Variants in CTDSPL observed in about 807,000 individuals in gnomAD.
CTDSPL encodes the protein CTD small phosphatase like, also known as CTD small phosphatase-like protein.
Under a neutral mutation model 30.5 loss-of-function variants are expected in CTDSPL, and 8 were observed. The observed-to-expected ratio is 0.26, with a 90% confidence interval of 0.15 to 0.47. CTDSPL has a LOEUF of 0.47. CTDSPL is among the 20% of genes least tolerant of loss of function. The pLI, the probability that CTDSPL is intolerant of heterozygous loss-of-function variation, is 0.99. For missense variants in CTDSPL, 248 were observed against 366.1 expected, an observed-to-expected ratio of 0.68 and a Z score of 2.63; for synonymous variants, 110 against 137.9, an observed-to-expected ratio of 0.80 and a Z score of 1.42.
intron 4 of CTDSPL, among the ~76,000 whole-genome samples, chr3:37,966,754 A>G (rs1699303602): frequency 6.6e-6 from 1 of 152,088 alleles, no homozygotes; most frequent in Non-Finnish European, 1.5e-5. Context: ...TATATCAACA[A>G]AGAGGGTTTG....
intron 2 of CTDSPL, 29 bp downstream of exon 2, chr3:37,947,240 C>A: frequency 6.3e-7 from 1 of 1,594,158 alleles, no homozygotes; most frequent in Non-Finnish European, 8.6e-7. Context: ...CTGTGCCCTC[C>A]ATAAAACTGC....
chr3:37,934,610 C>T (rs1263292071), intron 1 of CTDSPL, among the ~76,000 whole-genome samples: 2 of 152,124 alleles, frequency 1.3e-5, no homozygotes, highest in African/African-American at 4.8e-5. Flanking sequence ...CAAGAGTTAC[C>T]ATCTTTGCTA....
intron 3 of CTDSPL, among the ~76,000 whole-genome samples, chr3:37,962,811 T>C (rs762209893): frequency 2.8e-4 from 43 of 152,222 alleles, no homozygotes; most frequent in Non-Finnish European, 5.6e-4. Flanking sequence ...AGGTCTATAA[T>C]CTTTACAATG....
At chr3:37,914,485 A>C (rs1270897731) in intron 1 of CTDSPL, among the ~76,000 whole-genome samples, 3 of 152,216 alleles carry the variant, frequency 2.0e-5, no homozygotes, top group Non-Finnish European at 4.4e-5. Context: ...TAAATACCAT[A>C]TCAGATTTAG....
At chr3:37,933,500 C>T (rs903862546) in intron 1 of CTDSPL, among the ~76,000 whole-genome samples, 1 of 152,150 alleles carries the variant, frequency 6.6e-6, no homozygotes, top group African/African-American at 2.4e-5. Context: ...CTACTGTATG[C>T]ACCTTGCTTT....
At chr3:37,877,620 A>T (rs1039092744) in intron 1 of CTDSPL, among the ~76,000 whole-genome samples, 6 of 152,170 alleles carry the variant, frequency 3.9e-5, no homozygotes, top group African/African-American at 1.4e-4. Flanking sequence ...GAATTGCTGG[A>T]TATGGTCATT....
At chr3:37,873,729 A>G (rs1698103052) in intron 1 of CTDSPL, among the ~76,000 whole-genome samples, 1 of 152,228 alleles carries the variant, frequency 6.6e-6, no homozygotes, top group Non-Finnish European at 1.5e-5. Context: ...ATATTATGCT[A>G]ATGACTGATG....
chr3:37,946,393 T>A (rs1699038955), intron 1 of CTDSPL, among the ~76,000 whole-genome samples: 1 of 152,174 alleles, frequency 6.6e-6, no homozygotes, highest in Non-Finnish European at 1.5e-5. Context: ...GGCAGGAACA[T>A]GTGTTCTCCA....
Position 37,983,453 on chromosome 3 carries a change from G to A in CTDSPL, c.*2586G>A, listed in dbSNP as rs1699516729. Reference sequence around the variant, plus strand: ...AATTATTACCATGTATTAAATTGTGGGCTTTGAAACCTAATGAAACCTGTT... The same window carrying A: ...AATTATTACCATGTATTAAATTGTGAGCTTTGAAACCTAATGAAACCTGTT... On this transcript the variant is annotated 3_prime_UTR_variant, in exon 8 of 8. Coordinates refer to ENST00000273179, the MANE Select transcript of CTDSPL (RefSeq NM_001008392.2). 6.6e-6 allele frequency: 1 copy of A among 152,446 alleles called. No homozygotes were observed. The highest frequency in any genetic ancestry group is 1.5e-5 in the Non-Finnish European group (1 of 68,006). 9.4% of individuals were successfully genotyped at this position (152,446 alleles called of 1,614,324 possible). A position where few individuals can be genotyped will look rare whatever the true frequency, so the allele number is the denominator to read the frequency against.
intron 6 of CTDSPL, among the ~76,000 whole-genome samples, chr3:37,973,198 A>G (rs541479016): frequency 1.9e-4 from 29 of 152,362 alleles, no homozygotes; most frequent in Admixed American, 1.6e-3. Flanking sequence ...CCCAGTGGGT[A>G]ATCTTTCAGA....
intron 1 of CTDSPL, among the ~76,000 whole-genome samples, chr3:37,890,913 T>C (rs535190290): frequency 6.6e-6 from 1 of 152,328 alleles, no homozygotes; most frequent in African/African-American, 2.4e-5. Context: ...GCCACCTTGT[T>C]ATTGAGACAA....
chr3:37,914,515 A>G (rs1698621633), intron 1 of CTDSPL, among the ~76,000 whole-genome samples: 1 of 152,184 alleles, frequency 6.6e-6, no homozygotes, highest in South Asian at 2.1e-4. Context: ...ATCTAGTCTT[A>G]GTTTGCAAGG....
intron 1 of CTDSPL, among the ~76,000 whole-genome samples, chr3:37,904,448 T>A (rs1053793368): frequency 6.6e-5 from 10 of 152,150 alleles, no homozygotes; most frequent in African/African-American, 2.2e-4. Context: ...TGTGAAGAGC[T>A]GTACAAGGGA....
chr3:37,886,217 A>G (rs1468399260), intron 1 of CTDSPL, among the ~76,000 whole-genome samples: 1 of 152,004 alleles, frequency 6.6e-6, no homozygotes, highest in Admixed American at 6.6e-5. Context: ...ATCATATTCC[A>G]CATCCCTTCC....
intron 1 of CTDSPL, among the ~76,000 whole-genome samples, chr3:37,876,012 G>C (rs1030218867): frequency 6.6e-6 from 1 of 152,124 alleles, no homozygotes; most frequent in Non-Finnish European, 1.5e-5. Context: ...GGAGGCTGAG[G>C]TGGGAGGATC....
rs10222675 is a variant in CTDSPL, at chr3:37,960,380, T to C, written c.267+3237T>C. Among the ~76,000 whole-genome samples the C allele has an allele frequency of 7.7e-3, 1,120 of 146,114 alleles. 18 individuals are homozygous for C. The highest frequency in any genetic ancestry group is 0.027 in the African/African-American group (1,067 of 38,970). ...CAGTAATCCCAGCTACTCAGGAGGC[T>C]GAGGCAGGAGAATCACTTGAACCCG... On this transcript the variant is annotated intron_variant, in intron 3 of 7. Coordinates refer to ENST00000273179, the MANE Select transcript of CTDSPL (RefSeq NM_001008392.2).
intron 6 of CTDSPL, among the ~76,000 whole-genome samples, chr3:37,972,827 T>C (rs1559648924): frequency 6.6e-6 from 1 of 152,214 alleles, no homozygotes; most frequent in Non-Finnish European, 1.5e-5. Flanking sequence ...GTTGTCTCCA[T>C]GGGCATCTCA....
At chr3:37,933,948 A>G (rs1002046610) in intron 1 of CTDSPL, among the ~76,000 whole-genome samples, 1 of 152,222 alleles carries the variant, frequency 6.6e-6, no homozygotes, top group African/African-American at 2.4e-5. Context: ...GCTGTGATGT[A>G]TATTTTTAAA....
intron 6 of CTDSPL, 51 bp downstream of exon 6, chr3:37,971,550 T>G (rs752543754): frequency 6.6e-7 from 1 of 1,514,610 alleles, no homozygotes; most frequent in Admixed American, 1.7e-5. Flanking sequence ...TCCCAGCCCC[T>G]CCACCCCTAC....
Sources: gnomAD v4.1 joint callset for allele counts (sites outside exome capture counted in the v4.1 genomes callset) on GRCh38, gnomAD v4.1.1 for gene constraint, MANE v1.5 for transcripts, NCBI Gene and HGNC (gene_info 2026-07-23, HGNC 2026-07-21) for gene names.